Variants in UGGT1 observed in about 807,000 individuals in gnomAD.
UGGT1 encodes the protein UDP-glucose:glycoprotein glucosyltransferase 1.
Under a neutral mutation model 203.9 loss-of-function variants are expected in UGGT1, and 107 were observed. The observed-to-expected ratio is 0.52, with a 90% CI of 0.45 to 0.62. The LOEUF is 0.62. Ranked by LOEUF, UGGT1 falls within the 20% of genes least tolerant of loss-of-function variation. The pLI is 0.00. For synonymous variants in UGGT1, 628 were observed against 653.5 expected, an observed-to-expected ratio of 0.96 and a Z score of 0.59; for missense variants, 1,673 against 1,867.2, an observed-to-expected ratio of 0.90 and a Z score of 1.92.
At chr2:128,153,404 G>GA (rs143771049) in intron 19 of UGGT1, among the ~76,000 whole-genome samples, 1,915 of 151,840 alleles carry the variant, frequency 0.013, 42 homozygotes, top group African/African-American at 0.044. Context: ...TTTTTTTAAT[G>GA]AAAAAAACCC....
chr2:128,152,736 A>G (rs1690032086), intron 18 of UGGT1, 48 bp from the exon 19 acceptor site: 1 of 1,566,908 alleles, frequency 6.4e-7, no homozygotes, highest in African/African-American at 1.4e-5. Context: ...TATTATTGCT[A>G]AAATTTGCTT....
chr2:128,166,307 G>A (rs1233076693), intron 26 of UGGT1, among the ~76,000 whole-genome samples: 1 of 152,112 alleles, frequency 6.6e-6, no homozygotes, highest in Non-Finnish European at 1.5e-5. Context: ...TTATATGTTT[G>A]CATACACACG....
intron 36 of UGGT1, 36 bp from the exon 37 acceptor site, chr2:128,182,094 A>T: frequency 6.2e-7 from 1 of 1,604,732 alleles, no homozygotes; most frequent in East Asian, 2.2e-5. Context: ...AGCTGTCTGC[A>T]TGGTTGCTTA....
chr2:128,189,606 A>G, intron 40 of UGGT1, 111 bp from the exon 41 acceptor site: 2 of 1,077,912 alleles, frequency 1.9e-6, no homozygotes, highest in East Asian at 2.6e-5. Flanking sequence ...GTGAGATAAG[A>G]TGAAGGTGGA....
At chr2:128,174,296 CT>C (rs1210672238) in intron 30 of UGGT1, among the ~76,000 whole-genome samples, 2 of 150,710 alleles carry the variant, frequency 1.3e-5, no homozygotes, top group Non-Finnish European at 2.9e-5. Context: ...TGTGACTGGC[CT>C]TTATTGTACT....
At position 128,097,542 on chromosome 2, in the gene UGGT1, A is replaced by T; in HGVS notation, c.172A>T (p.Thr58Ser). 4 of 1,613,940 alleles carry T rather than the reference A, an allele frequency of 2.5e-6. No homozygotes were observed. The highest frequency in any genetic ancestry group is 3.4e-6 in the Non-Finnish European group (4 of 1,179,976). Residue 58 changes from threonine (T) to serine (S), a missense_variant, in exon 2 of 41, where the codon ACT becomes TCT. Coordinates refer to ENST00000259253, the MANE Select transcript of UGGT1 (RefSeq NM_020120.4). Reference protein sequence around the residue: ...TTSLTTKWFSTPLLLEASEFL... With the variant: ...TTSLTTKWFSSPLLLEASEFL... ...CTCTCTTACAACAAAATGGTTTTCC[A>T]CTCCATTGTTGTTAGAAGCCAGGTA... is the stretch of plus-strand genomic sequence containing the variant.
chr2:128,184,126 A>G (rs1691858718), intron 38 of UGGT1, among the ~76,000 whole-genome samples: 1 of 152,116 alleles, frequency 6.6e-6, no homozygotes, highest in Non-Finnish European at 1.5e-5. Context: ...TACTAGGGTC[A>G]GTTTGTTTTT....
rs1291427604 is a variant in UGGT1, at chr2:128,116,262, T to C, written c.794-3T>C. ...ATAATATGTATTTTCTATTCTTTCA[T>C]AGGAACTGAGGTAAACACCACAGTG... On this transcript the variant is annotated splice_polypyrimidine_tract_variant and splice_region_variant and intron_variant, in intron 7 of 40. Transcript: ENST00000259253. 6.3e-7 allele frequency: 1 copy of C among 1,583,694 alleles called. No individual in the cohort carries two copies. Among genetic ancestry groups the C allele is most frequent in the Admixed American group, 1.7e-5 (1 of 59,482 alleles).
At chr2:128,161,554 T>A (rs1690529932) in intron 25 of UGGT1, among the ~76,000 whole-genome samples, 1 of 152,178 alleles carries the variant, frequency 6.6e-6, no homozygotes. Flanking sequence ...AAGAGGCTAG[T>A]TTATTTATTA....
chr2:128,094,270 ACT>A lies in UGGT1; in HGVS notation c.58+2858_58+2859del, dbSNP rs151035176. On this transcript the variant is annotated intron_variant, in intron 1 of 40. Coordinates refer to ENST00000259253, the MANE Select transcript of UGGT1 (RefSeq NM_020120.4). ...AGGCCAGATTAAAAAAAAAAGAAAA[ACT>A]CTGTAACTTTTGGGGAGAATTTTTT... 3.2e-3 allele frequency among the ~76,000 whole-genome samples: 481 copies of A among 151,668 alleles called. 1 individual carries two copies. Among genetic ancestry groups the A allele is most frequent in the African/African-American group, 0.011 (456 of 41,302 alleles).
intron 35 of UGGT1, among the ~76,000 whole-genome samples, chr2:128,180,540 G>T (rs1056052231): frequency 4.6e-5 from 7 of 152,182 alleles, no homozygotes; most frequent in Non-Finnish European, 1.0e-4. Flanking sequence ...CCTCGAGGAA[G>T]GCTTGTCATC....
chr2:128,177,608 A>G (rs1691465481), intron 32 of UGGT1, among the ~76,000 whole-genome samples: 1 of 152,180 alleles, frequency 6.6e-6, no homozygotes, highest in Non-Finnish European at 1.5e-5. Context: ...GGGTTCATCT[A>G]ATTAAAAGAG....
Position 128,116,331 on chromosome 2 carries a change from T to G in UGGT1, c.860T>G (p.Phe287Cys). 6.2e-7 allele frequency: 1 copy of G among 1,609,524 alleles called. No homozygotes were observed. Among genetic ancestry groups the G allele is most frequent in the South Asian group, 1.1e-5 (1 of 90,942 alleles). Residue 287 changes from phenylalanine (F) to cysteine (C), a missense_variant, in exon 8 of 41, where the codon TTT (phenylalanine) becomes TGT (cysteine). By Grantham distance (205) the Phe-to-Cys change is radical. Transcript: ENST00000259253. The part of the protein sequence containing the change: ...DPIDEVQGFL[F>C]GKLRDLHPDL... ...ATTGATGAGGTTCAGGGGTTCCTCT[T>G]TGGAAAATTAAGGTATGTATGTTCT... is the stretch of plus-strand genomic sequence containing the variant.
At chr2:128,126,061 C>G (rs1454203057) in intron 11 of UGGT1, among the ~76,000 whole-genome samples, 1 of 151,516 alleles carries the variant, frequency 6.6e-6, no homozygotes, top group Non-Finnish European at 1.5e-5. Context: ...CCTGCCTCAG[C>G]CTCCCGAGTA....
chr2:128,147,838 C>T (rs1328682570), intron 18 of UGGT1, among the ~76,000 whole-genome samples: 1 of 152,136 alleles, frequency 6.6e-6, no homozygotes, highest in Non-Finnish European at 1.5e-5. Context: ...TCTCAGGTCG[C>T]GAACTCCTGG....
chr2:128,112,447 T>A (rs1239005794), intron 5 of UGGT1, among the ~76,000 whole-genome samples: 1 of 102,870 alleles, frequency 9.7e-6, no homozygotes, highest in African/African-American at 3.3e-5. Context: ...CCCCAAAAAA[T>A]ACTATGTTAT....
At chr2:128,096,310 C>T (rs1318674699) in intron 1 of UGGT1, among the ~76,000 whole-genome samples, 1 of 152,152 alleles carries the variant, frequency 6.6e-6, no homozygotes, top group Non-Finnish European at 1.5e-5. Flanking sequence ...ATGTTAGTTT[C>T]CTAGGGCTAC....
intron 32 of UGGT1, 96 bp from the exon 33 acceptor site, chr2:128,177,735 TC>T: frequency 2.1e-6 from 2 of 956,274 alleles, no homozygotes; most frequent in Non-Finnish European, 3.1e-6. Flanking sequence ...GATTGATAAT[TC>T]CCTATTGATG....
At chr2:128,180,847 A>G (rs772896722) in intron 35 of UGGT1, 43 bp from the exon 36 acceptor site, 1 of 1,578,324 alleles carries the variant, frequency 6.3e-7, no homozygotes, top group South Asian at 1.1e-5. Flanking sequence ...AGTTTTCTTA[A>G]TCAGAAGAAA....
Sources: allele counts gnomAD v4.1 joint callset (sites outside exome capture counted in the v4.1 genomes callset), GRCh38; gene constraint gnomAD v4.1.1; transcripts MANE v1.5; gene names NCBI Gene and HGNC (gene_info 2026-07-23, HGNC 2026-07-21).